FANCA: variants seen among roughly 807,000 people sequenced by gnomAD.
FANCA encodes the protein FA complementation group A.
In FANCA, 236 loss-of-function variants were observed where a neutral mutation model predicts 194.3. The observed-to-expected ratio is 1.21, with a 90% CI of 1.09 to 1.35. FANCA has a LOEUF of 1.35. FANCA is among the 40% of genes most tolerant of loss of function. The pLI, the probability that FANCA is intolerant of heterozygous loss-of-function variation, is 0.00. For synonymous variants in FANCA, 1,014 were observed against 715.8 expected (o/e 1.42, Z -6.65); for missense variants, 2,628 against 1,813.9 (o/e 1.45, Z -8.15).
At chr16:89,743,213 C>G (rs955890316) in intron 36 of FANCA, among the ~76,000 whole-genome samples, 6 of 152,176 alleles carry the variant, frequency 3.9e-5, no homozygotes, top group African/African-American at 1.4e-4. Flanking sequence ...GCCCTGTGCT[C>G]TTGGGCCCCA....
chr16:89,799,330 AC>A, intron 9 of FANCA, 98 bp from the exon 10 acceptor site: 2 of 1,401,670 alleles, frequency 1.4e-6, no homozygotes, highest in Non-Finnish European at 1.0e-6. Context: ...ATCCACTTCA[AC>A]CCCCCAGAGG....
chr16:89,764,958 G>T lies in FANCA; in HGVS notation c.2710C>A (p.Gln904Lys). 1 of 1,614,246 alleles carries T rather than the reference G, an allele frequency of 6.2e-7. No homozygotes were observed. Among genetic ancestry groups the T allele is most frequent in the Non-Finnish European group, 8.5e-7 (1 of 1,180,032 alleles). Residue 904 changes from glutamine to lysine, a missense_variant, in exon 28 of 43, where the codon CAG becomes AAG. Physicochemically the swap from Gln to Lys is moderately conservative, Grantham distance 53 (BLOSUM62 1). Transcript: ENST00000389301. ...GTCCAGAGAGAGAGGGCAGCTCTCT[G>T]CCAGTCTGCAGAAGGAAGGTGCAAG... ...RPLHLPSADW[Q>K]RAALSLWTHR... is the part of the protein sequence containing the mutation.
At position 89,748,686 on chromosome 16, in the gene FANCA, C is replaced by G. The variant is rs1276452090; in HGVS notation, c.3321G>C (p.Gln1107His). 2 of 1,614,012 alleles carry G rather than the reference C, an allele frequency of 1.2e-6. No individual in the cohort carries two copies. The highest frequency in any genetic ancestry group is 1.1e-5 in the South Asian group (1 of 91,084). ...AEQPITARCE[Q>H]FFHLVNSEMR... ...TCTCAGAGTTGACCAAGTGGAAGAA[C>G]TGCTCGCATCTGGCAGTGATGGGCT... Residue 1107 changes from glutamine (Q) to histidine (H), a missense_variant, in exon 33 of 43, where the codon CAG (glutamine) becomes CAC (histidine). Gln to His is a conservative substitution (Grantham distance 24, BLOSUM62 0). Coordinates refer to ENST00000389301, the MANE Select transcript of FANCA (RefSeq NM_000135.4).
chr16:89,774,263 A>T (rs1164266608), intron 21 of FANCA, among the ~76,000 whole-genome samples: 1 of 152,112 alleles, frequency 6.6e-6, no homozygotes, highest in Non-Finnish European at 1.5e-5. Context: ...TCATCAGACA[A>T]ATGATTAGAA....
intron 20 of FANCA, among the ~76,000 whole-genome samples, chr16:89,777,950 CCAG>C: frequency 6.6e-6 from 1 of 152,032 alleles, no homozygotes; most frequent in Admixed American, 6.6e-5. Flanking sequence ...TCGCTTGAGC[CCAG>C]GAGTTCAAGA....
chr16:89,816,549 C>T lies in FANCA; in HGVS notation c.67G>A (p.Ala23Thr), dbSNP rs2041138122. 4.6e-6 allele frequency: 7 copies of T among 1,508,328 alleles called. No individual in the cohort carries two copies. The highest frequency in any genetic ancestry group is 6.2e-6 in the Non-Finnish European group (7 of 1,135,868). 93.4% of individuals were successfully genotyped at this position (1,508,328 alleles called of 1,614,324 possible). A position where few individuals can be genotyped will look rare whatever the true frequency, so the allele number is the denominator to read the frequency against. Residue 23 changes from alanine to threonine, a missense_variant, in exon 1 of 43, where the codon GCC (alanine) becomes ACC (threonine). Ala to Thr is a moderately conservative substitution (Grantham distance 58, BLOSUM62 0). Coordinates refer to ENST00000389301, the MANE Select transcript of FANCA (RefSeq NM_000135.4). ...CGCGCCCACCTACCCAGCAGCTCGG[C>T]CCAGGCCCTCCGGCGGCCCCCTGGG... ...QDPGGRRRAW[A>T]ELLAGRVKRE...
In FANCA at chr16:89,799,965, G is replaced by A. The variant is rs752483970; in HGVS notation, c.793-327C>T. ...GCTGAGATAGTGCCACTGCAGTCCG[G>A]CCCGGGCGAAAGAGCCAGACTCCGT... On this transcript the variant is annotated intron_variant, in intron 8 of 42. Transcript: ENST00000389301. 3.9e-5 allele frequency among the ~76,000 whole-genome samples: 6 copies of A among 152,320 alleles called. No individual in the cohort carries two copies. The South Asian group carries it at 1.2e-3, about 32-fold the overall frequency.
At chr16:89,771,410 G>T (rs927436377) in intron 23 of FANCA, among the ~76,000 whole-genome samples, 1 of 151,288 alleles carries the variant, frequency 6.6e-6, no homozygotes, top group Non-Finnish European at 1.5e-5. Flanking sequence ...AGTGAGCCAT[G>T]ATTGCACCAC....
At chr16:89,778,765 G>C in intron 20 of FANCA, 36 bp downstream of exon 20, 1 of 1,593,460 alleles carries the variant, frequency 6.3e-7, no homozygotes, top group South Asian at 1.1e-5. Context: ...GAAGAAACCT[G>C]GAAGTAGTCA....
chr16:89,806,603 C>T (rs372180712), intron 6 of FANCA, among the ~76,000 whole-genome samples: 3 of 151,966 alleles, frequency 2.0e-5, no homozygotes, highest in East Asian at 1.9e-4. Context: ...TATCTTGCAC[C>T]GCCCTTAATC....
intron 36 of FANCA, among the ~76,000 whole-genome samples, chr16:89,743,445 C>G (rs17227305): frequency 4.0e-4 from 61 of 152,346 alleles, no homozygotes; most frequent in African/African-American, 1.4e-3. Context: ...CGGTTCACAT[C>G]TGCAATCATA....
At chr16:89,810,512 G>T in intron 5 of FANCA, 195 bp downstream of exon 5, 2 of 600,042 alleles carry the variant, frequency 3.3e-6, no homozygotes, top group South Asian at 3.9e-5. Context: ...TAGGTGAATA[G>T]GGACAAAAAA....
intron 15 of FANCA, among the ~76,000 whole-genome samples, chr16:89,783,566 CA>C (rs1310739956): frequency 6.9e-6 from 1 of 144,386 alleles, no homozygotes; most frequent in South Asian, 2.2e-4. Flanking sequence ...AAAAAAACAA[CA>C]AAAAAAAAAC....
At chr16:89,749,986 G>T (rs570672650) in intron 31 of FANCA, 84 bp from the exon 32 acceptor site, 102 of 1,436,388 alleles carry the variant, frequency 7.1e-5, no homozygotes, top group Middle Eastern at 2.3e-4. Flanking sequence ...AGGGGTCAGG[G>T]AGAGGTCTCC....
At chr16:89,786,272 C>A (rs753571996) in intron 14 of FANCA, among the ~76,000 whole-genome samples, 8 of 152,152 alleles carry the variant, frequency 5.3e-5, no homozygotes, top group Non-Finnish European at 1.0e-4. Context: ...TAACCTCCGC[C>A]TCCCAGGTTC....
chr16:89,814,836 G>A (rs2041038693), intron 2 of FANCA, among the ~76,000 whole-genome samples: 1 of 152,056 alleles, frequency 6.6e-6, no homozygotes, highest in Non-Finnish European at 1.5e-5. Flanking sequence ...AGCCACTCGG[G>A]AGGCTGAGAC....
chr16:89,768,688 A>C (rs556652241), intron 26 of FANCA, among the ~76,000 whole-genome samples: 4 of 152,124 alleles, frequency 2.6e-5, no homozygotes, highest in African/African-American at 7.2e-5. Context: ...AAACAAAAAA[A>C]AAAACAAAAC....
chr16:89,749,099 T>C (rs1283933908), intron 32 of FANCA, among the ~76,000 whole-genome samples: 3 of 152,234 alleles, frequency 2.0e-5, no homozygotes, highest in Non-Finnish European at 4.4e-5. Flanking sequence ...GACTGTAAAA[T>C]TAAATGACTC....
chr16:89,742,251 A>G (rs1189712868), intron 37 of FANCA, among the ~76,000 whole-genome samples: 1 of 151,908 alleles, frequency 6.6e-6, no homozygotes, highest in Non-Finnish European at 1.5e-5. Context: ...TGTTGGGATT[A>G]CAGGCATGAG....
Sources: gnomAD v4.1 joint callset for allele counts (sites outside exome capture counted in the v4.1 genomes callset) on GRCh38, gnomAD v4.1.1 for gene constraint, MANE v1.5 for transcripts, NCBI Gene and HGNC (gene_info 2026-07-23, HGNC 2026-07-21) for gene names.